Variants in FGD4 observed in about 807,000 individuals in gnomAD.
FGD4 encodes FYVE, RhoGEF and PH domain containing 4, also known as FYVE, RhoGEF and PH domain-containing protein 4.
FGD4 carries 42 observed loss-of-function variants against 102.0 expected under a neutral mutation model. The observed-to-expected ratio is 0.41, with a 90% CI of 0.32 to 0.53. The LOEUF is 0.53. Among genes scored for constraint, FGD4 ranks in the 20% least tolerant of loss-of-function variants. FGD4 has a pLI of 0.21. For missense variants in FGD4, 902 were observed against 1,078.2 expected (o/e 0.84, Z 2.29); for synonymous variants, 380 against 375.7 (o/e 1.01, Z -0.13).
chr12:32,442,955 A>T (rs913252190), intron 1 of FGD4, among the ~76,000 whole-genome samples: 1 of 152,178 alleles, frequency 6.6e-6, no homozygotes, highest in Admixed American at 6.5e-5. Context: ...AGCATTTTTC[A>T]TATATCTGTT....
chr12:32,449,710 G>T (rs189395579), intron 1 of FGD4, among the ~76,000 whole-genome samples: 3 of 152,162 alleles, frequency 2.0e-5, no homozygotes, highest in African/African-American at 7.2e-5. Context: ...TTGTGGGGAA[G>T]TAACTTTAAG....
chr12:32,514,272 GA>G (rs1939668795), intron 1 of FGD4, among the ~76,000 whole-genome samples: 1 of 152,198 alleles, frequency 6.6e-6, no homozygotes, highest in Admixed American at 6.5e-5. Context: ...TATGAATGTT[GA>G]GGCAAGAAAT....
intron 1 of FGD4, among the ~76,000 whole-genome samples, chr12:32,475,610 T>C (rs1049995024): frequency 6.6e-6 from 1 of 152,204 alleles, no homozygotes; most frequent in African/African-American, 2.4e-5. Context: ...CCAGACTTTC[T>C]AGATGAAAAA....
At chr12:32,473,902 ATGGTGAAAC>A (rs1943510537) in intron 1 of FGD4, among the ~76,000 whole-genome samples, 1 of 152,148 alleles carries the variant, frequency 6.6e-6, no homozygotes, top group East Asian at 1.9e-4. Context: ...CATGGCTAAC[ATGGTGAAAC>A]CCTGTCTCTA....
At chr12:32,572,959 T>C (rs1945794853) in intron 2 of FGD4, among the ~76,000 whole-genome samples, 1 of 152,196 alleles carries the variant, frequency 6.6e-6, no homozygotes, top group Admixed American at 6.5e-5. Context: ...GCCCAGAAGC[T>C]AAGAAAGGTG....
intron 1 of FGD4, among the ~76,000 whole-genome samples, chr12:32,494,142 A>G (rs1427594943): frequency 6.6e-6 from 1 of 152,182 alleles, no homozygotes; most frequent in East Asian, 1.9e-4. Flanking sequence ...GTGCTCAGGC[A>G]ATCCTCCTGC....
chr12:32,439,195 T>G (rs1483445307), intron 1 of FGD4, among the ~76,000 whole-genome samples: 1 of 152,250 alleles, frequency 6.6e-6, no homozygotes, highest in Non-Finnish European at 1.5e-5. Flanking sequence ...CTTTTACAGA[T>G]TCCACATATA....
At chr12:32,533,252 G>GT (rs1436709578) in intron 1 of FGD4, among the ~76,000 whole-genome samples, 8 of 152,156 alleles carry the variant, frequency 5.3e-5, no homozygotes, top group Non-Finnish European at 1.2e-4. Flanking sequence ...ACTCAGTGAT[G>GT]TATGTCTTGA....
At position 32,446,325 on chromosome 12, in the gene FGD4, G is replaced by A. The variant is rs185442938; in HGVS notation, c.166+46366G>A. Among the ~76,000 whole-genome samples, 12 of 151,906 alleles carry A rather than the reference G, an allele frequency of 7.9e-5. No individual in the cohort carries two copies. The East Asian group carries it at 1.4e-3, about 17-fold the overall frequency. On this transcript the variant is annotated intron_variant, in intron 1 of 16. Coordinates refer to ENST00000534526, the MANE Select transcript of FGD4 (RefSeq NM_001370298.3). ...CTGCTAGGGTCTGAGTGTTTGTGTC[G>A]CCCAGCCCCCACCCTCACCCCCTCA...
intron 1 of FGD4, among the ~76,000 whole-genome samples, chr12:32,537,679 G>T (rs34625484): frequency 0.059 from 8,920 of 152,076 alleles, 291 homozygotes; most frequent in Middle Eastern, 0.16. Flanking sequence ...CATATCAACT[G>T]TGCTTCTACC....
chr12:32,627,344 C>T (rs1292798900), intron 14 of FGD4, among the ~76,000 whole-genome samples: 3 of 150,812 alleles, frequency 2.0e-5, no homozygotes, highest in South Asian at 2.1e-4. Flanking sequence ...TTAGTACAGA[C>T]GGGGTTTCAC....
intron 1 of FGD4, among the ~76,000 whole-genome samples, chr12:32,495,150 G>A (rs1298949223): frequency 6.6e-6 from 1 of 151,860 alleles, no homozygotes; most frequent in African/African-American, 2.4e-5. Flanking sequence ...TGATCTCATT[G>A]ATCTTCCTGA....
At chr12:32,476,223 A>G (rs1797065738) in intron 1 of FGD4, among the ~76,000 whole-genome samples, 1 of 152,184 alleles carries the variant, frequency 6.6e-6, no homozygotes, top group Admixed American at 6.5e-5. Flanking sequence ...CCCAAACCGT[A>G]CATATTTTGA....
At chr12:32,473,929 A>G (rs1407189770) in intron 1 of FGD4, among the ~76,000 whole-genome samples, 1 of 152,066 alleles carries the variant, frequency 6.6e-6, no homozygotes, top group Non-Finnish European at 1.5e-5. Flanking sequence ...CTACTAAAAA[A>G]TACAAAAACT....
intron 2 of FGD4, among the ~76,000 whole-genome samples, chr12:32,567,090 T>A (rs528062051): frequency 8.1e-4 from 124 of 152,322 alleles, no homozygotes; most frequent in Admixed American, 2.3e-3. Flanking sequence ...ACTGCAACCT[T>A]GGCACTGGCA....
chr12:32,514,161 C>T (rs1939657418), intron 1 of FGD4, among the ~76,000 whole-genome samples: 1 of 152,136 alleles, frequency 6.6e-6, no homozygotes, highest in Non-Finnish European at 1.5e-5. Context: ...ATCTTCTGAG[C>T]TCACAATATA....
At chr12:32,478,929 A>G (rs1393214743) in intron 1 of FGD4, among the ~76,000 whole-genome samples, 1 of 152,200 alleles carries the variant, frequency 6.6e-6, no homozygotes, top group African/African-American at 2.4e-5. Flanking sequence ...ATGGCACGAT[A>G]CCATTACCAA....
chr12:32,433,336 T>C (rs1565737483), intron 1 of FGD4, among the ~76,000 whole-genome samples: 2 of 152,012 alleles, frequency 1.3e-5, no homozygotes, highest in Non-Finnish European at 2.9e-5. Flanking sequence ...TGATTCACTT[T>C]AAAAATACAT....
intron 15 of FGD4, among the ~76,000 whole-genome samples, chr12:32,634,306 A>G (rs1464760579): frequency 6.6e-6 from 1 of 152,186 alleles, no homozygotes; most frequent in East Asian, 1.9e-4. Context: ...CAATTTCGTC[A>G]TATTGGCTTT....
Sources: gnomAD v4.1 joint callset for allele counts (sites outside exome capture counted in the v4.1 genomes callset) on GRCh38, gnomAD v4.1.1 for gene constraint, MANE v1.5 for transcripts, NCBI Gene and HGNC (gene_info 2026-07-23, HGNC 2026-07-21) for gene names.